Variants in MARCHF1 observed in about 807,000 individuals in gnomAD.
MARCHF1 encodes E3 ubiquitin-protein ligase MARCHF1.
Under a neutral mutation model 54.2 loss-of-function variants are expected in MARCHF1, and 40 were observed. That is an observed-to-expected ratio of 0.74 (90% CI 0.57 to 0.96). The LOEUF (loss-of-function observed/expected upper bound fraction) is 0.96, where lower values mean the gene tolerates loss of function less well. MARCHF1 is among the 40% of genes least tolerant of loss of function. The pLI is 0.00. For synonymous variants in MARCHF1, 236 were observed against 236.3 expected (o/e 1.00, Z 0.01); for missense variants, 586 against 656.5 (o/e 0.89, Z 1.17).
At chr4:164,163,932 T>C (rs564001473) in intron 1 of MARCHF1, among the ~76,000 whole-genome samples, 1 of 152,028 alleles carries the variant, frequency 6.6e-6, no homozygotes, top group African/African-American at 2.4e-5. Context: ...CAAAGATGTC[T>C]AAAAATCACA....
At chr4:163,983,640 T>C (rs905242124) in intron 3 of MARCHF1, among the ~76,000 whole-genome samples, 3 of 152,198 alleles carry the variant, frequency 2.0e-5, no homozygotes, top group Non-Finnish European at 4.4e-5. Context: ...GAAAGAGCAG[T>C]AGACTGGTAG....
intron 1 of MARCHF1, among the ~76,000 whole-genome samples, chr4:164,368,059 T>A (rs1157719668): frequency 6.8e-6 from 1 of 146,180 alleles, no homozygotes; most frequent in Non-Finnish European, 1.5e-5. Context: ...AAAAAGACAA[T>A]AAAAGATTAA....
chr4:163,734,841 T>C (rs923004675), intron 4 of MARCHF1, among the ~76,000 whole-genome samples: 18 of 152,292 alleles, frequency 1.2e-4, no homozygotes, highest in African/African-American at 4.1e-4. Flanking sequence ...AGTATGTCAG[T>C]TGCACTTCAA....
intron 8 of MARCHF1, among the ~76,000 whole-genome samples, chr4:163,548,246 G>A (rs555405489): frequency 6.6e-6 from 1 of 152,288 alleles, no homozygotes; most frequent in East Asian, 1.9e-4. Flanking sequence ...CAGATAAAAA[G>A]TGGAAGCTGG....
At chr4:163,913,089 T>C (rs1751230070) in intron 3 of MARCHF1, among the ~76,000 whole-genome samples, 2 of 152,328 alleles carry the variant, frequency 1.3e-5, no homozygotes, top group South Asian at 4.1e-4. Flanking sequence ...TTTGAGACAT[T>C]CAAAGTGTAA....
chr4:164,065,846 T>C (rs1754716304), intron 2 of MARCHF1, among the ~76,000 whole-genome samples: 1 of 152,000 alleles, frequency 6.6e-6, no homozygotes. Flanking sequence ...GCAGGAGAAA[T>C]GGAAGGAAGT....
chr4:163,637,694 AG>A (rs1354448334), intron 5 of MARCHF1, among the ~76,000 whole-genome samples: 1 of 151,170 alleles, frequency 6.6e-6, no homozygotes, highest in African/African-American at 2.4e-5. Flanking sequence ...GTGATTCCTC[AG>A]GGATCTAGAA....
At chr4:164,235,848 C>G (rs1405505917) in intron 1 of MARCHF1, among the ~76,000 whole-genome samples, 1 of 152,004 alleles carries the variant, frequency 6.6e-6, no homozygotes, top group Non-Finnish European at 1.5e-5. Flanking sequence ...CTAAATAATT[C>G]ATCTATGTAA....
intron 1 of MARCHF1, among the ~76,000 whole-genome samples, chr4:164,370,321 A>G (rs1254499283): frequency 6.6e-6 from 1 of 152,204 alleles, no homozygotes; most frequent in Non-Finnish European, 1.5e-5. Flanking sequence ...CTGCTGGGGG[A>G]AAGGGAAGAA....
chr4:164,021,204 T>G lies in MARCHF1; in HGVS notation c.-247-32495A>C, dbSNP rs949065370. Among the ~76,000 whole-genome samples, 3 of 152,160 alleles carry G rather than the reference T, an allele frequency of 2.0e-5. No individual in the cohort carries two copies. The South Asian group carries it at 6.2e-4, about 32-fold the overall frequency. ...GGCAGGTTGTTAGAGACAGATAATT[T>G]ATTTCCTGGGCTAACTCCTGCCTAA... On this transcript the variant is annotated intron_variant, in intron 2 of 9. Transcript: ENST00000514618.
chr4:163,636,690 A>C (rs1047586387), intron 5 of MARCHF1, among the ~76,000 whole-genome samples: 20 of 152,028 alleles, frequency 1.3e-4, no homozygotes, highest in Non-Finnish European at 2.4e-4. Context: ...TTACAGATTC[A>C]ATGCCATCCC....
intron 1 of MARCHF1, among the ~76,000 whole-genome samples, chr4:164,155,124 G>A (rs1730043136): frequency 6.6e-6 from 1 of 152,094 alleles, no homozygotes; most frequent in South Asian, 2.1e-4. Context: ...ATTTATATGG[G>A]CATAAGATAG....
chr4:163,640,237 A>G (rs1235913931), intron 5 of MARCHF1, among the ~76,000 whole-genome samples: 2 of 152,150 alleles, frequency 1.3e-5, no homozygotes, highest in Non-Finnish European at 2.9e-5. Context: ...AAAGCTGGAC[A>G]TCAGATAATA....
intron 3 of MARCHF1, among the ~76,000 whole-genome samples, chr4:163,886,114 G>A (rs1750525739): frequency 6.7e-6 from 1 of 148,324 alleles, no homozygotes; most frequent in Non-Finnish European, 1.5e-5. Context: ...GAAGTAATTG[G>A]ATATTTATAT....
At chr4:164,369,698 G>A (rs1252718528) in intron 1 of MARCHF1, among the ~76,000 whole-genome samples, 1 of 151,972 alleles carries the variant, frequency 6.6e-6, no homozygotes, top group East Asian at 1.9e-4. Context: ...ATGTACTTAT[G>A]TACTATAATA....
intron 1 of MARCHF1, among the ~76,000 whole-genome samples, chr4:164,252,577 T>C (rs1462274687): frequency 1.3e-5 from 2 of 152,096 alleles, no homozygotes; most frequent in Non-Finnish European, 2.9e-5. Flanking sequence ...AACAAAGCCA[T>C]TTGGGAAGCC....
intron 4 of MARCHF1, among the ~76,000 whole-genome samples, chr4:163,818,680 C>G (rs1274040689): frequency 6.6e-6 from 1 of 152,064 alleles, no homozygotes; most frequent in African/African-American, 2.4e-5. Context: ...TGCAAAGCCC[C>G]CATATCCTCA....
intron 5 of MARCHF1, among the ~76,000 whole-genome samples, chr4:163,632,975 C>A (rs1742162234): frequency 6.6e-6 from 1 of 152,124 alleles, no homozygotes; most frequent in African/African-American, 2.4e-5. Flanking sequence ...AGGCGCCCCC[C>A]AGCAGGGGCA....
At chr4:163,809,077 G>A (rs1013489599) in intron 4 of MARCHF1, among the ~76,000 whole-genome samples, 5 of 151,818 alleles carry the variant, frequency 3.3e-5, no homozygotes, top group Non-Finnish European at 4.4e-5. Flanking sequence ...ATTGATTCCC[G>A]GCTTTCATTC....
Sources: allele counts gnomAD v4.1 joint callset (sites outside exome capture counted in the v4.1 genomes callset), GRCh38; gene constraint gnomAD v4.1.1; transcripts MANE v1.5; gene names NCBI Gene and HGNC (gene_info 2026-07-23, HGNC 2026-07-21).